Variants in CRTC1 observed in about 807,000 individuals in gnomAD.
CRTC1 encodes the protein CREB regulated transcription coactivator 1.
CRTC1 carries 18 observed loss-of-function variants against 66.1 expected under a neutral mutation model. The ratio of observed to expected loss-of-function variants is 0.27; its 90% confidence interval spans 0.19 to 0.40. The LOEUF (loss-of-function observed/expected upper bound fraction) is 0.40, where lower values mean the gene tolerates loss of function less well. Among genes scored for constraint, CRTC1 ranks in the 10% least tolerant of loss-of-function variants. CRTC1 has a pLI of 1.00. For synonymous variants in CRTC1, 416 were observed against 398.8 expected, an observed-to-expected ratio of 1.04 and a Z score of -0.51; for missense variants, 669 against 887.9, an observed-to-expected ratio of 0.75 and a Z score of 3.13.
intron 1 of CRTC1, among the ~76,000 whole-genome samples, chr19:18,687,951 C>T (rs980523592): frequency 2.0e-5 from 3 of 152,120 alleles, no homozygotes; most frequent in Non-Finnish European, 4.4e-5. Context: ...CTGTGTGACA[C>T]TGGGTGGGTT....
chr19:18,736,718 A>G (rs1475298952), intron 1 of CRTC1, among the ~76,000 whole-genome samples: 1 of 149,982 alleles, frequency 6.7e-6, no homozygotes, highest in East Asian at 1.9e-4. Context: ...AGAGGGGGGG[A>G]AACTGAGGCC....
At chr19:18,730,101 G>A (rs1600865548) in intron 1 of CRTC1, among the ~76,000 whole-genome samples, 1 of 152,140 alleles carries the variant, frequency 6.6e-6, no homozygotes, top group Non-Finnish European at 1.5e-5. Context: ...TCCTGTCCAA[G>A]GCCGGCCGTG....
In CRTC1 at chr19:18,742,626, G is replaced by A. The variant is rs115734685; in HGVS notation, c.127-284G>A. 4.5e-3 allele frequency among the ~76,000 whole-genome samples: 680 copies of A among 152,342 alleles called. 7 individuals carry two copies. Among genetic ancestry groups the A allele is most frequent in the African/African-American group, 0.016 (656 of 41,586 alleles). ...TCTCTTGCCCATTCACTGACTGACC[G>A]AATCAGCAGCAAGGCAGCCAGCTCC... On this transcript the variant is annotated intron_variant, in intron 1 of 13. Transcript: ENST00000321949.
intron 1 of CRTC1, among the ~76,000 whole-genome samples, chr19:18,736,730 G>C (rs1284842108): frequency 6.6e-6 from 1 of 150,378 alleles, no homozygotes; most frequent in Non-Finnish European, 1.5e-5. Context: ...ACTGAGGCCT[G>C]ACTGGCACAG....
chr19:18,720,194 C>T (rs1232673486), intron 1 of CRTC1, among the ~76,000 whole-genome samples: 1 of 152,122 alleles, frequency 6.6e-6, no homozygotes, highest in Non-Finnish European at 1.5e-5. Flanking sequence ...GAGATGGAGT[C>T]TCACTGTCTC....
intron 1 of CRTC1, among the ~76,000 whole-genome samples, chr19:18,714,876 C>A (rs890755596): frequency 6.6e-6 from 1 of 152,276 alleles, no homozygotes; most frequent in African/African-American, 2.4e-5. Context: ...TGGAGGGCCT[C>A]TCCTGCCCCC....
chr19:18,750,596 C>T (rs2054342054), intron 5 of CRTC1, among the ~76,000 whole-genome samples: 1 of 152,230 alleles, frequency 6.6e-6, no homozygotes, highest in South Asian at 2.1e-4. Flanking sequence ...CCTGGTGTGG[C>T]CCAAGGCACT....
Position 18,771,643 on chromosome 19 carries a change from T to A in CRTC1, c.1425+97T>A. On this transcript the variant is annotated intron_variant, in intron 11 of 13. Transcript: ENST00000321949. This position sits in a 1 kb window ranked among gnomAD's most constrained non-coding sequence, Gnocchi z 4.6. Reference sequence around the variant, plus strand: ...CCCACTGTCTGTCCTCATGCATCGCTCCTCATGCATGTCCTCATGCATCCC... The same window carrying A: ...CCCACTGTCTGTCCTCATGCATCGCACCTCATGCATGTCCTCATGCATCCC... 5 of 896,742 alleles carry A rather than the reference T, an allele frequency of 5.6e-6. No individual in the cohort carries two copies. The highest frequency in any genetic ancestry group is 8.9e-6 in the Non-Finnish European group (5 of 563,250). The allele number at this position is 896,742 out of a possible 1,614,324, so 55.5% of individuals were successfully genotyped here.
intron 8 of CRTC1, among the ~76,000 whole-genome samples, chr19:18,761,159 G>C (rs1182793307): frequency 6.6e-6 from 1 of 152,072 alleles, no homozygotes; most frequent in African/African-American, 2.4e-5. Flanking sequence ...CCCTGCCCTG[G>C]TCAGAGCTAG....
Position 18,782,281 on chromosome 19 carries a change from G to A in CRTC1, c.*4899G>A, listed in dbSNP as rs1214268145. The A allele has an allele frequency of 4.5e-6, 1 of 222,248 alleles. No homozygotes were observed. The highest frequency in any genetic ancestry group is 9.0e-6 in the Non-Finnish European group (1 of 110,838). 13.8% of individuals were successfully genotyped at this position (222,248 alleles called of 1,614,324 possible). A position where few individuals can be genotyped will look rare whatever the true frequency, so the allele number is the denominator to read the frequency against. On this transcript the variant is annotated 3_prime_UTR_variant, in exon 14 of 14. Transcript: ENST00000321949. ...CTCTGGCAGGGCTGCTTTTGTCTTT[G>A]TACCTTTGCATCCTTTGTAATGAAA...
intron 1 of CRTC1, among the ~76,000 whole-genome samples, chr19:18,702,718 G>A (rs1004173900): frequency 6.6e-6 from 1 of 150,692 alleles, no homozygotes; most frequent in Admixed American, 6.6e-5. Context: ...ATTTTTAGTA[G>A]AGGCAGGGTT....
At chr19:18,725,887 C>T (rs1439287850) in intron 1 of CRTC1, among the ~76,000 whole-genome samples, 1 of 152,264 alleles carries the variant, frequency 6.6e-6, no homozygotes, top group Non-Finnish European at 1.5e-5. Context: ...CTGCCGGTCA[C>T]CCTGGCTGCT....
At chr19:18,730,502 G>A (rs2145675030) in intron 1 of CRTC1, among the ~76,000 whole-genome samples, 1 of 152,186 alleles carries the variant, frequency 6.6e-6, no homozygotes, top group South Asian at 2.1e-4. Context: ...TGGAGTCACC[G>A]GCTGGGTGTT....
intron 1 of CRTC1, among the ~76,000 whole-genome samples, chr19:18,716,675 C>G (rs1022843518): frequency 6.6e-6 from 1 of 152,152 alleles, no homozygotes; most frequent in African/African-American, 2.4e-5. Flanking sequence ...CATGCTGTGT[C>G]GTCTTTCCTG....
chr19:18,770,519 C>T (rs569614275), intron 10 of CRTC1, among the ~76,000 whole-genome samples: 1 of 152,220 alleles, frequency 6.6e-6, no homozygotes, highest in African/African-American at 2.4e-5. Context: ...ACACAGTCAG[C>T]GAGAGCCGGG....
intron 1 of CRTC1, among the ~76,000 whole-genome samples, chr19:18,711,211 G>A (rs932920024): frequency 1.3e-5 from 2 of 152,182 alleles, no homozygotes; most frequent in African/African-American, 4.8e-5. Flanking sequence ...GGCCTGGGAG[G>A]ACTTCTTGTT....
intron 1 of CRTC1, among the ~76,000 whole-genome samples, chr19:18,715,147 G>A (rs1407099939): frequency 1.3e-5 from 2 of 152,226 alleles, no homozygotes. Flanking sequence ...GGCTCCCGGA[G>A]CTCCTTGGCT....
intron 4 of CRTC1, among the ~76,000 whole-genome samples, chr19:18,748,153 A>C (rs1465837183): frequency 6.6e-6 from 1 of 152,174 alleles, no homozygotes; most frequent in Non-Finnish European, 1.5e-5. Context: ...AACAATGTGA[A>C]TGTACTTAAT....
At chr19:18,714,469 A>G (rs7246370) in intron 1 of CRTC1, among the ~76,000 whole-genome samples, 79,165 of 151,700 alleles carry the variant, frequency 0.52, 21,360 homozygotes, top group East Asian at 0.9. Context: ...CACCACGCCC[A>G]GCTAATTTTT....
Sources: gnomAD v4.1 joint callset for allele counts (sites outside exome capture counted in the v4.1 genomes callset) on GRCh38, gnomAD v4.1.1 for gene constraint, Gnocchi (gnomAD v3.1) non-coding constraint, MANE v1.5 for transcripts, NCBI Gene and HGNC (gene_info 2026-07-23, HGNC 2026-07-21) for gene names.